RASA1: variants seen among roughly 807,000 people sequenced by gnomAD.
RASA1 encodes the protein RAS p21 protein activator 1.
In RASA1, 25 loss-of-function variants were observed where a neutral mutation model predicts 132.2. That is an observed-to-expected ratio of 0.19 (90% CI 0.14 to 0.26). RASA1 has a LOEUF of 0.26. RASA1 is among the 10% of genes least tolerant of loss of function. The pLI is 1.00. For synonymous variants in RASA1, 477 were observed against 449.9 expected, an observed-to-expected ratio of 1.06 and a Z score of -0.76; for missense variants, 964 against 1,299.2, an observed-to-expected ratio of 0.74 and a Z score of 3.97.
intron 1 of RASA1, among the ~76,000 whole-genome samples, chr5:87,287,146 C>T (rs1351235563): frequency 7.3e-6 from 1 of 137,274 alleles, no homozygotes; most frequent in Non-Finnish European, 1.5e-5. Flanking sequence ...TATATACACA[C>T]CGTATATATA....
Position 87,268,974 on chromosome 5 carries a change from G to C in RASA1, c.523G>C (p.Ala175Pro). The C allele has an allele frequency of 6.2e-7, 1 of 1,614,174 alleles. No homozygotes were observed. The highest frequency in any genetic ancestry group is 8.5e-7 in the Non-Finnish European group (1 of 1,180,026). Reference protein sequence around the residue: ...EEEEVAIPLTAPPTNQWYHGK... With the variant: ...EEEEVAIPLTPPPTNQWYHGK... ...GGAAGAGGTGGCCATACCGTTGACC[G>C]CTCCTCCAACTAACCAGTAAGTTAA... Residue 175 changes from alanine to proline, a missense_variant, in exon 1 of 25, where the codon GCT becomes CCT. Physicochemically the swap from Ala to Pro is conservative, Grantham distance 27 (BLOSUM62 -1). Around this residue, in one of 6 missense-constraint regions of RASA1, gnomAD observed 326 missense variants for 275.8 expected, o/e 1.18. Transcript: ENST00000274376.
chr5:87,376,081 C>T (rs1345354681), intron 15 of RASA1, among the ~76,000 whole-genome samples: 1 of 152,096 alleles, frequency 6.6e-6, no homozygotes, highest in South Asian at 2.1e-4. Context: ...ACTCGAATAG[C>T]ATTCACCACT....
At chr5:87,315,721 AT>A (rs1265397242) in intron 1 of RASA1, among the ~76,000 whole-genome samples, 1 of 152,224 alleles carries the variant, frequency 6.6e-6, no homozygotes, top group African/African-American at 2.4e-5. Context: ...GTGCTATTAA[AT>A]AAGTAGCACC....
intron 5 of RASA1, among the ~76,000 whole-genome samples, chr5:87,338,536 A>ATATATATATATATTTTTT: frequency 7.0e-5 from 6 of 85,208 alleles, no homozygotes; most frequent in East Asian, 4.9e-4. Flanking sequence ...TATATATAAA[A>ATATATATATATATTTTTT]TTTTTTTTTT....
At position 87,291,355 on chromosome 5, in the gene RASA1, C is replaced by T. The variant is rs767971690; in HGVS notation, c.539+22365C>T. On this transcript the variant is annotated intron_variant, in intron 1 of 24. Coordinates refer to ENST00000274376, the MANE Select transcript of RASA1 (RefSeq NM_002890.3). ...GACCAGCTTGGCCAACATGAGACTG[C>T]GACTCTGTCTCTACAAAAAGAAAAA... Among the ~76,000 whole-genome samples the T allele has an allele frequency of 1.8e-4, 27 of 152,082 alleles. No individual in the cohort carries two copies. The Middle Eastern group carries it at 0.01, about 57-fold the overall frequency.
At chr5:87,332,182 C>T (rs555545547) in intron 2 of RASA1, among the ~76,000 whole-genome samples, 8 of 152,130 alleles carry the variant, frequency 5.3e-5, no homozygotes, top group African/African-American at 1.9e-4. Flanking sequence ...CCATATAAAA[C>T]TTATTAAATT....
chr5:87,358,921 T>C lies in RASA1; in HGVS notation c.1333-3630T>C, dbSNP rs147447764. The stretch of plus-strand genomic sequence containing the variant: ...GCCTCACTCTTACATCTTTCAAGTT[T>C]TTGCTCAAAATTTAGCAAATTAGCA... On this transcript the variant is annotated intron_variant, in intron 9 of 24. Coordinates refer to ENST00000274376, the MANE Select transcript of RASA1 (RefSeq NM_002890.3). 2.6e-3 allele frequency among the ~76,000 whole-genome samples: 386 copies of C among 150,584 alleles called. 1 individual carries two copies. The highest frequency in any genetic ancestry group is 8.9e-3 in the African/African-American group (364 of 40,832).
rs776162360 is a variant in RASA1, at chr5:87,268,856, C to G, written c.405C>G (p.Pro135=). ...CTCTCGGGCCAGGCGGCGGTTTTCC[C>G]CCTCTGCCCCCTCCCCCTTACCTGC... The part of the protein sequence containing the change: ...AETLGPGGGF[P]PLPPPPYLPP... The change falls in exon 1 of 25, where the codon CCC becomes CCG. Residue 135 remains proline (P), a synonymous_variant. Transcript: ENST00000274376. The G allele has an allele frequency of 1.2e-6, 2 of 1,614,176 alleles. No individual in the cohort carries two copies. The highest frequency in any genetic ancestry group is 2.2e-5 in the East Asian group (1 of 44,876).
At chr5:87,269,571 T>C (rs1028460606) in intron 1 of RASA1, among the ~76,000 whole-genome samples, 6 of 152,212 alleles carry the variant, frequency 3.9e-5, no homozygotes, top group Admixed American at 1.3e-4. Flanking sequence ...CTGTGTATTA[T>C]AGGTGTGATT....
intron 1 of RASA1, among the ~76,000 whole-genome samples, chr5:87,271,437 GTTTTTAGTAGACTTCT>G (rs1753827264): frequency 1.8e-5 from 1 of 56,196 alleles, no homozygotes; most frequent in African/African-American, 7.1e-5. Context: ...AAAAAAAACT[GTTTTTAGTAGACTTCT>G]TTTTTTTTTT....
At chr5:87,314,405 G>A (rs1000123902) in intron 1 of RASA1, among the ~76,000 whole-genome samples, 2 of 152,130 alleles carry the variant, frequency 1.3e-5, no homozygotes, top group Non-Finnish European at 2.9e-5. Flanking sequence ...TGGAAGACCA[G>A]TAAAACTGAA....
intron 6 of RASA1, among the ~76,000 whole-genome samples, chr5:87,341,698 CAATTTT>C (rs1758476963): frequency 6.6e-6 from 1 of 151,806 alleles, no homozygotes; most frequent in Admixed American, 6.6e-5. Context: ...CGGTTCTTCA[CAATTTT>C]AATAAGATTC....
rs191725379 is a variant in RASA1, at chr5:87,391,307, G to T, written c.*424G>T. The T allele has an allele frequency of 5.8e-5, 20 of 342,836 alleles. No individual in the cohort carries two copies. The East Asian group carries it at 7.6e-4, about 13-fold the overall frequency. The allele number at this position is 342,836 out of a possible 1,614,324, so 21.2% of individuals were successfully genotyped here. The stretch of plus-strand genomic sequence containing the variant: ...ATTGACAATTGTGTATAACTGGATT[G>T]CAGACTGTTCTTACTGTAACTACTT... On this transcript the variant is annotated 3_prime_UTR_variant, in exon 25 of 25. Coordinates refer to ENST00000274376, the MANE Select transcript of RASA1 (RefSeq NM_002890.3).
intron 1 of RASA1, among the ~76,000 whole-genome samples, chr5:87,287,824 C>T (rs62644438): frequency 0.28 from 9,113 of 32,150 alleles, 2,346 homozygotes; most frequent in African/African-American, 0.33. Flanking sequence ...ACCATATATA[C>T]ACACACCATA....
At chr5:87,281,803 A>G (rs1451365279) in intron 1 of RASA1, among the ~76,000 whole-genome samples, 1 of 151,226 alleles carries the variant, frequency 6.6e-6, no homozygotes, top group East Asian at 2.0e-4. Flanking sequence ...ATGGTCTTGA[A>G]CTCCTGACCT....
intron 1 of RASA1, among the ~76,000 whole-genome samples, chr5:87,309,589 C>T (rs1396785822): frequency 6.6e-6 from 1 of 152,060 alleles, no homozygotes; most frequent in Non-Finnish European, 1.5e-5. Flanking sequence ...TCTTATGATA[C>T]TGTAAACAGC....
In RASA1 at chr5:87,354,559, C is replaced by T. The variant is rs574803452; in HGVS notation, c.1332+1324C>T. Among the ~76,000 whole-genome samples, 17 of 152,218 alleles carry T rather than the reference C, an allele frequency of 1.1e-4. No homozygotes were observed. The East Asian group carries it at 1.7e-3, about 16-fold the overall frequency. On this transcript the variant is annotated intron_variant, in intron 9 of 24. Transcript: ENST00000274376. The stretch of plus-strand genomic sequence containing the variant: ...ACTGGCTGGTTCTGTTTCTCTTCCT[C>T]TCCTTGGGGCTTCCTATTTCTGCAG...
intron 11 of RASA1, among the ~76,000 whole-genome samples, chr5:87,369,108 A>C (rs1760739587): frequency 6.6e-6 from 1 of 152,182 alleles, no homozygotes; most frequent in Admixed American, 6.5e-5. Flanking sequence ...AAAATCTTTA[A>C]AGCAGGAAAC....
chr5:87,361,733 C>A (rs1760109338), intron 9 of RASA1, among the ~76,000 whole-genome samples: 2 of 152,042 alleles, frequency 1.3e-5, no homozygotes, highest in Admixed American at 1.3e-4. Context: ...ATTAGGCAAT[C>A]AAAACCACAG....
Sources: allele counts gnomAD v4.1 joint callset (sites outside exome capture counted in the v4.1 genomes callset), GRCh38; gene constraint gnomAD v4.1.1; regional missense constraint gnomAD v4.1.1; transcripts MANE v1.5; gene names NCBI Gene and HGNC (gene_info 2026-07-23, HGNC 2026-07-21).